The following CLSTN2 variants were observed in gnomAD, a reference collection of about 807,000 sequenced individuals.
CLSTN2 encodes calsyntenin 2.
Under a neutral mutation model 101.2 loss-of-function variants are expected in CLSTN2, and 48 were observed. The observed-to-expected ratio is 0.47, with a 90% CI of 0.38 to 0.60. The LOEUF (loss-of-function observed/expected upper bound fraction) is 0.60, where lower values mean the gene tolerates loss of function less well. Ranked by LOEUF, CLSTN2 falls within the 20% of genes least tolerant of loss-of-function variation. The probability of loss-of-function intolerance (pLI) is 0.00; values close to 1 mark genes in which losing one functional copy is unlikely to be tolerated. For synonymous variants in CLSTN2, 481 were observed against 463.6 expected, an observed-to-expected ratio of 1.04 and a Z score of -0.48; for missense variants, 1,160 against 1,238.2, an observed-to-expected ratio of 0.94 and a Z score of 0.95.
intron 1 of CLSTN2, among the ~76,000 whole-genome samples, chr3:139,971,601 C>T (rs1352918744): frequency 2.0e-5 from 3 of 152,142 alleles, no homozygotes; most frequent in Non-Finnish European, 2.9e-5. Context: ...AGTTGTTAAG[C>T]ATGGAATGAG....
chr3:140,559,929 T>C (rs1935876092), intron 12 of CLSTN2, among the ~76,000 whole-genome samples: 1 of 152,212 alleles, frequency 6.6e-6, no homozygotes, highest in Non-Finnish European at 1.5e-5. Flanking sequence ...CAGGCCAACA[T>C]GCATTAGGTT....
rs541497709 is a variant in CLSTN2, at chr3:140,162,024, A to C, written c.110-13927A>C. 3.8e-3 allele frequency among the ~76,000 whole-genome samples: 585 copies of C among 152,360 alleles called. 3 individuals carry two copies. Among genetic ancestry groups the C allele is most frequent in the Middle Eastern group, 6.8e-3 (2 of 294 alleles). ...CAACTGTTGACAAGAATTTTAAAAA[A>C]CAGTGGGAAGAGTCTCATTGTTTTA... On this transcript the variant is annotated intron_variant, in intron 1 of 16. Coordinates refer to ENST00000458420, the MANE Select transcript of CLSTN2 (RefSeq NM_022131.3).
chr3:140,224,360 A>G (rs1437217982), intron 2 of CLSTN2, among the ~76,000 whole-genome samples: 1 of 152,114 alleles, frequency 6.6e-6, no homozygotes, highest in African/African-American at 2.4e-5. Flanking sequence ...AATTTCTGGA[A>G]CTCAATAAAT....
intron 1 of CLSTN2, among the ~76,000 whole-genome samples, chr3:140,109,312 A>G (rs895352572): frequency 2.0e-5 from 3 of 152,148 alleles, no homozygotes; most frequent in African/African-American, 7.2e-5. Flanking sequence ...CACCTCCTGG[A>G]AGAGCCGGGA....
At chr3:140,331,841 A>G (rs1227797681) in intron 2 of CLSTN2, among the ~76,000 whole-genome samples, 2 of 152,172 alleles carry the variant, frequency 1.3e-5, no homozygotes, top group African/African-American at 2.4e-5. Context: ...GTGCTTGTTC[A>G]TTAAGTCTCC....
chr3:140,386,291 T>C (rs142621209), intron 2 of CLSTN2, among the ~76,000 whole-genome samples: 2 of 152,162 alleles, frequency 1.3e-5, no homozygotes, highest in Non-Finnish European at 2.9e-5. Context: ...GTCATTCCAA[T>C]TACAATTCCA....
At chr3:140,286,399 G>T (rs779264280) in intron 2 of CLSTN2, among the ~76,000 whole-genome samples, 1 of 150,370 alleles carries the variant, frequency 6.7e-6, no homozygotes, top group Non-Finnish European at 1.5e-5. Flanking sequence ...TAGATGTTTT[G>T]TAGGGAGGGG....
chr3:140,232,846 C>T (rs909863171), intron 2 of CLSTN2, among the ~76,000 whole-genome samples: 5 of 152,082 alleles, frequency 3.3e-5, no homozygotes, highest in East Asian at 3.9e-4. Flanking sequence ...TGTTATACTA[C>T]CCCCTCTCTC....
intron 1 of CLSTN2, among the ~76,000 whole-genome samples, chr3:139,962,355 A>G (rs1043188793): frequency 2.0e-5 from 3 of 152,170 alleles, no homozygotes; most frequent in Middle Eastern, 6.3e-3. Flanking sequence ...ACCCATCAAG[A>G]CATCATCACA....
At chr3:140,445,088 A>C (rs1933044025) in intron 5 of CLSTN2, among the ~76,000 whole-genome samples, 1 of 152,142 alleles carries the variant, frequency 6.6e-6, no homozygotes, top group African/African-American at 2.4e-5. Flanking sequence ...AACCCTCAAA[A>C]ACAAGCCTCT....
intron 5 of CLSTN2, among the ~76,000 whole-genome samples, chr3:140,433,219 A>G (rs2088652824): frequency 6.6e-6 from 1 of 152,210 alleles, no homozygotes. Flanking sequence ...TTGAGAGAGG[A>G]CCATGGCTTG....
chr3:140,232,435 C>T (rs760213730), intron 2 of CLSTN2, among the ~76,000 whole-genome samples: 1 of 152,168 alleles, frequency 6.6e-6, no homozygotes, highest in Non-Finnish European at 1.5e-5. Flanking sequence ...CTACTCTGCC[C>T]ATCTCTCCCC....
intron 2 of CLSTN2, among the ~76,000 whole-genome samples, chr3:140,256,866 T>G (rs2086608511): frequency 6.6e-6 from 1 of 152,226 alleles, no homozygotes; most frequent in Admixed American, 6.5e-5. Flanking sequence ...ATTTACATTC[T>G]GATTCAAGAA....
chr3:140,473,091 G>T (rs929447922), intron 8 of CLSTN2, among the ~76,000 whole-genome samples: 2 of 152,206 alleles, frequency 1.3e-5, no homozygotes, highest in Admixed American at 6.5e-5. Flanking sequence ...CTCTGGAAAG[G>T]TAGCTGCTGG....
At chr3:140,059,090 C>T (rs1193663804) in intron 1 of CLSTN2, among the ~76,000 whole-genome samples, 1 of 152,270 alleles carries the variant, frequency 6.6e-6, no homozygotes, top group Non-Finnish European at 1.5e-5. Flanking sequence ...TCCCTGGGTT[C>T]AAGCCCCAGT....
chr3:140,377,174 T>G (rs1468303353), intron 2 of CLSTN2, among the ~76,000 whole-genome samples: 1 of 152,188 alleles, frequency 6.6e-6, no homozygotes, highest in Non-Finnish European at 1.5e-5. Flanking sequence ...CCATTGTAGC[T>G]CATATCATTG....
At chr3:139,952,445 G>T (rs1935310500) in intron 1 of CLSTN2, among the ~76,000 whole-genome samples, 1 of 91,376 alleles carries the variant, frequency 1.1e-5, no homozygotes, top group Non-Finnish European at 2.4e-5. Flanking sequence ...CCTTCTCCGA[G>T]ACTGCTTTGG....
chr3:140,272,868 GATT>G (rs1172410340), intron 2 of CLSTN2, among the ~76,000 whole-genome samples: 1 of 152,124 alleles, frequency 6.6e-6, no homozygotes, highest in African/African-American at 2.4e-5. Flanking sequence ...GGAAGGTTGT[GATT>G]GGCAATGTTC....
chr3:140,501,888 A>G (rs1934583865), intron 8 of CLSTN2, among the ~76,000 whole-genome samples: 2 of 152,210 alleles, frequency 1.3e-5, no homozygotes, highest in East Asian at 3.8e-4. Flanking sequence ...ATTTCTAACC[A>G]GCTCCCAAGG....
Sources: allele counts gnomAD v4.1 joint callset (sites outside exome capture counted in the v4.1 genomes callset), GRCh38; gene constraint gnomAD v4.1.1; transcripts MANE v1.5; gene names NCBI Gene and HGNC (gene_info 2026-07-23, HGNC 2026-07-21).